Variants in ZNF251 observed in about 807,000 individuals in gnomAD.
The protein encoded by ZNF251 is zinc finger protein 251.
ZNF251 carries 14 observed loss-of-function variants against 13.5 expected under a neutral mutation model. The ratio of observed to expected loss-of-function variants is 1.04; its 90% CI spans 0.69 to 1.63. The LOEUF is 1.63. ZNF251 is among the 40% of genes most tolerant of loss of function. The pLI, the probability that ZNF251 is intolerant of heterozygous loss-of-function variation, is 0.00. For synonymous variants in ZNF251, 287 were observed against 295.2 expected, an observed-to-expected ratio of 0.97 and a Z score of 0.28; for missense variants, 764 against 834.9, an observed-to-expected ratio of 0.92 and a Z score of 1.05.
rs779179624 is a variant in ZNF251, at chr8:144,753,693, G to A, written c.267C>T (p.Ser89=). The A allele has an allele frequency of 1.3e-4, 211 of 1,579,300 alleles. No individual in the cohort carries two copies. The highest frequency in any genetic ancestry group is 2.6e-5 in the Non-Finnish European group (30 of 1,161,640). ...CCCATCCATTCTCACCTTTCTGGCA[G>A]CTTTTCAAGATATCTGGTTCCTCAG... ...LGAEEPDILK[S]CQKDSEVGTK... is the part of the protein sequence containing the mutation. The change falls in exon 4 of 5, where the codon AGC becomes AGT. Residue 89 remains serine (S), a synonymous_variant. Coordinates refer to ENST00000292562, the MANE Select transcript of ZNF251 (RefSeq NM_138367.2).
At chr8:144,728,014 G>A (rs1188454063) in intron 4 of ZNF251, among the ~76,000 whole-genome samples, 3 of 152,136 alleles carry the variant, frequency 2.0e-5, no homozygotes, top group African/African-American at 4.8e-5. Flanking sequence ...GCTAACAGAC[G>A]CAAAAGGCCT....
chr8:144,751,417 TAAC>T (rs1005386617), intron 4 of ZNF251, among the ~76,000 whole-genome samples: 10 of 152,308 alleles, frequency 6.6e-5, no homozygotes, highest in African/African-American at 1.9e-4. Context: ...GTATTACACA[TAAC>T]AACTATAACA....
At chr8:144,729,482 G>A (rs937760783) in intron 4 of ZNF251, among the ~76,000 whole-genome samples, 1 of 151,334 alleles carries the variant, frequency 6.6e-6, no homozygotes, top group Non-Finnish European at 1.5e-5. Context: ...GACTACAGGC[G>A]CCCGCCACCA....
At chr8:144,731,945 TGCA>T (rs1823707970) in intron 4 of ZNF251, among the ~76,000 whole-genome samples, 1 of 143,850 alleles carries the variant, frequency 7.0e-6, no homozygotes, top group African/African-American at 2.8e-5. Flanking sequence ...TCCTGACAGC[TGCA>T]TTTTTTTTTT....
Position 144,723,038 on chromosome 8 carries a change from C to A in ZNF251, c.622G>T (p.Val208Phe), listed in dbSNP as rs1241773334. 10 of 1,613,776 alleles carry A rather than the reference C, an allele frequency of 6.2e-6. No homozygotes were observed. Among genetic ancestry groups the A allele is most frequent in the Non-Finnish European group, 8.5e-6 (10 of 1,179,880 alleles). The change falls in exon 5 of 5, where the codon GTC (valine) becomes TTC (phenylalanine). Residue 208 changes from valine (V) to phenylalanine (F), a missense_variant. By Grantham distance (50) the Val-to-Phe change is conservative (BLOSUM62 -1). Coordinates refer to ENST00000292562, the MANE Select transcript of ZNF251 (RefSeq NM_138367.2). ...TTGCTGCATATATCACATTTAAAGA[C>A]CCTCTCTCCTGTTTTATTTCTTTGA... ...RLQRNKTGER[V>F]FKCDICSKTF...
At chr8:144,729,991 A>C in intron 4 of ZNF251, 2 of 963,236 alleles carry the variant, frequency 2.1e-6, no homozygotes, top group Non-Finnish European at 2.5e-6. Context: ...GAGCCCACCC[A>C]GGGCTGGCGT....
At chr8:144,731,226 C>T (rs1823684721) in intron 4 of ZNF251, among the ~76,000 whole-genome samples, 2 of 152,198 alleles carry the variant, frequency 1.3e-5, no homozygotes, top group South Asian at 4.1e-4. Context: ...TTTAGAATAT[C>T]TCAATCAACA....
chr8:144,746,925 G>T (rs1004447862), intron 4 of ZNF251, among the ~76,000 whole-genome samples: 1 of 152,016 alleles, frequency 6.6e-6, no homozygotes, highest in Non-Finnish European at 1.5e-5. Context: ...TTCTGGTTTC[G>T]TTGATTTTCT....
At chr8:144,738,653 C>T in intron 4 of ZNF251, 1 of 985,462 alleles carries the variant, frequency 1.0e-6, no homozygotes, top group Non-Finnish European at 1.2e-6. Context: ...TAGACTCAGT[C>T]AGGCAAGTGG....
chr8:144,748,672 C>T (rs1824543877), intron 4 of ZNF251, among the ~76,000 whole-genome samples: 1 of 152,092 alleles, frequency 6.6e-6, no homozygotes, highest in Non-Finnish European at 1.5e-5. Flanking sequence ...GCGATCCTAC[C>T]ACATCAGCCT....
chr8:144,731,836 C>T (rs925503073), intron 4 of ZNF251, among the ~76,000 whole-genome samples: 2 of 152,190 alleles, frequency 1.3e-5, no homozygotes, highest in Admixed American at 1.3e-4. Context: ...GATCCGCCCA[C>T]CTCGGCCTCC....
chr8:144,735,915 G>A (rs921247424), intron 4 of ZNF251, among the ~76,000 whole-genome samples: 4 of 152,148 alleles, frequency 2.6e-5, no homozygotes, highest in Admixed American at 6.5e-5. Context: ...CCTGGTGCTC[G>A]GCAGTCGCCT....
Position 144,721,458 on chromosome 8 carries a change from C to G in ZNF251, c.*186G>C, listed in dbSNP as rs180992942. On this transcript the variant is annotated 3_prime_UTR_variant, in exon 5 of 5. Transcript: ENST00000292562. Reference sequence around the variant, plus strand: ...AGCACAGCAGTAACCTTTACACAGACAGCCTGATTTCCCAGAATGAATTCT... The same window carrying G: ...AGCACAGCAGTAACCTTTACACAGAGAGCCTGATTTCCCAGAATGAATTCT... 1,180 of 567,844 alleles carry G rather than the reference C, an allele frequency of 2.1e-3. 8 individuals are homozygous for G. The highest frequency in any genetic ancestry group is 6.8e-3 in the Middle Eastern group (13 of 1,916). 35.2% of individuals were successfully genotyped at this position (567,844 alleles called of 1,614,324 possible). A position where few individuals can be genotyped will look rare whatever the true frequency, so the allele number is the denominator to read the frequency against.
At chr8:144,752,538 G>A (rs926499299) in intron 4 of ZNF251, among the ~76,000 whole-genome samples, 1 of 152,150 alleles carries the variant, frequency 6.6e-6, no homozygotes, top group Non-Finnish European at 1.5e-5. Context: ...TGCAACTTAA[G>A]CTGCACTTTG....
At chr8:144,747,441 G>C (rs1824482328) in intron 4 of ZNF251, among the ~76,000 whole-genome samples, 1 of 152,218 alleles carries the variant, frequency 6.6e-6, no homozygotes, top group Admixed American at 6.5e-5. Context: ...GTTGGATGAA[G>C]CAGTCTACAG....
At chr8:144,745,312 T>C (rs969381860) in intron 4 of ZNF251, among the ~76,000 whole-genome samples, 2 of 152,078 alleles carry the variant, frequency 1.3e-5, no homozygotes, top group African/African-American at 2.4e-5. Context: ...CATATGTTTA[T>C]GCAGGTTTTT....
At chr8:144,746,186 G>A (rs1295347915) in intron 4 of ZNF251, among the ~76,000 whole-genome samples, 1 of 152,194 alleles carries the variant, frequency 6.6e-6, no homozygotes, top group African/African-American at 2.4e-5. Context: ...TGTTGAATTT[G>A]TAATCATGAA....
chr8:144,753,283 A>G (rs1437596101), intron 4 of ZNF251, among the ~76,000 whole-genome samples: 1 of 150,264 alleles, frequency 6.7e-6, no homozygotes, highest in African/African-American at 2.4e-5. Context: ...CGAAAAAAAA[A>G]AAAAAAAAAA....
rs1823364072 is a variant in ZNF251, at chr8:144,721,215, C to CA, written c.*428dup. The CA allele has an allele frequency of 4.7e-6, 1 of 214,590 alleles. No homozygotes were observed. The highest frequency in any genetic ancestry group is 9.1e-6 in the Non-Finnish European group (1 of 109,986). 13.3% of individuals were successfully genotyped at this position (214,590 alleles called of 1,614,324 possible). A position where few individuals can be genotyped will look rare whatever the true frequency, so the allele number is the denominator to read the frequency against. ...TGGAGAGAGTAAGGCTAAGCGCCCCCAGCAGGCCCAAGTTCTCTGTACCAC... is the reference window on the plus strand; with the variant it reads ...TGGAGAGAGTAAGGCTAAGCGCCCCCAAGCAGGCCCAAGTTCTCTGTACCAC... On this transcript the variant is annotated 3_prime_UTR_variant, in exon 5 of 5. Transcript: ENST00000292562.
Sources: gnomAD v4.1 joint callset for allele counts (sites outside exome capture counted in the v4.1 genomes callset) on GRCh38, gnomAD v4.1.1 for gene constraint, MANE v1.5 for transcripts, NCBI Gene and HGNC (gene_info 2026-07-23, HGNC 2026-07-21) for gene names.